LAMA5: variants seen among roughly 807,000 people sequenced by gnomAD.
LAMA5 encodes the protein laminin subunit alpha 5, also known as laminin subunit alpha-5.
LAMA5 carries 260 observed loss-of-function variants against 433.4 expected under a neutral mutation model. That is an observed-to-expected ratio of 0.60 (90% confidence interval 0.54 to 0.66). The LOEUF is 0.66. LAMA5 is among the 30% of genes least tolerant of loss of function. The pLI is 0.00. For synonymous variants in LAMA5, 2,620 were observed against 2,226.6 expected (o/e 1.18, Z -4.97); for missense variants, 5,378 against 5,258.5 (o/e 1.02, Z -0.70).
rs778216785 is a variant in LAMA5 at position 62,346,815 on chromosome 20, G to A, written c.1073-15C>T. 6.8e-6 allele frequency: 11 copies of A among 1,609,728 alleles called. No homozygotes were observed. Among genetic ancestry groups the A allele is most frequent in the Non-Finnish European group, 8.5e-6 (10 of 1,177,732 alleles). On this transcript the variant is annotated splice_polypyrimidine_tract_variant and intron_variant, in intron 7 of 79. Transcript: ENST00000252999. ...GCAGTTACAGGCTAGAGAGAGGGGA[G>A]CGCAGCTGTTGGCACGCCCTCCACA...
At chr20:62,325,586 A>C in intron 40 of LAMA5, 40 bp from the exon 41 acceptor site, 2 of 1,386,520 alleles carry the variant, frequency 1.4e-6, no homozygotes, top group Non-Finnish European at 2.0e-6. Context: ...GCCACACTCA[A>C]TGGGACAGAA....
intron 32 of LAMA5, 116 bp from the exon 33 acceptor site, chr20:62,329,369 CCCAGCCCAGCCCA>C (rs1411721135): frequency 1.9e-5 from 1 of 51,770 alleles, no homozygotes; most frequent in African/African-American, 7.5e-5. Flanking sequence ...GCAGCAGCAG[CCCAGCCCAGCCCA>C]GCCCAGCCCT....
intron 7 of LAMA5, 30 bp from the exon 8 acceptor site, chr20:62,346,830 C>T (rs370817391): frequency 5.5e-5 from 89 of 1,605,950 alleles, no homozygotes; most frequent in African/African-American, 3.9e-4. Flanking sequence ...GCTGTTGGCA[C>T]GCCCTCCACA....
At chr20:62,316,507 G>A (rs1986947468) in intron 57 of LAMA5, among the ~76,000 whole-genome samples, 164 bp downstream of exon 57, 2 of 152,168 alleles carry the variant, frequency 1.3e-5, no homozygotes, top group South Asian at 4.1e-4. Context: ...GCTCCCCGGG[G>A]CTGACACACA....
At position 62,318,997 on chromosome 20, in the gene LAMA5, C is replaced by A; in HGVS notation, c.6888G>T (p.Thr2296=). The A allele has an allele frequency of 1.3e-6, 2 of 1,586,316 alleles. No individual in the cohort carries two copies. The highest frequency in any genetic ancestry group is 1.1e-5 in the South Asian group (1 of 88,196). Residue 2296 remains threonine, a synonymous_variant, in exon 52 of 80, where the codon ACG becomes ACT. Transcript: ENST00000252999. The part of the protein sequence containing the change: ...DRTLSELMSQ[T]GHLGLANASA... Reference sequence around the variant, plus strand: ...AGGCATTGGCCAGCCCCAGGTGGCCCGTCTGGGACATGAGCTCTGTGGGGC... The same window carrying A: ...AGGCATTGGCCAGCCCCAGGTGGCCAGTCTGGGACATGAGCTCTGTGGGGC...
rs1986573132 is a variant in LAMA5, at chr20:62,313,649, C to T, written c.8658G>A (p.Thr2886=). The change falls in exon 63 of 80, where the codon ACG becomes ACA. Residue 2886 remains threonine (T), a splice_region_variant and synonymous_variant. Transcript: ENST00000252999. The part of the protein sequence containing the change: ...FYVGGYPSTF[T]PPPLLRFPGY... ...GCTGCCCCAGGCCGGGCGGGCTCAC[C>T]GTGAAGGTACTGGGGTACCCCCCGA... 2 of 1,612,556 alleles carry T rather than the reference C, an allele frequency of 1.2e-6. No individual in the cohort carries two copies. The highest frequency in any genetic ancestry group is 1.7e-6 in the Non-Finnish European group (2 of 1,179,888).
rs142055388 is a variant in LAMA5 at position 62,325,332 on chromosome 20, C to G, written c.5513G>C (p.Arg1838Pro). The G allele has an allele frequency of 3.8e-6, 6 of 1,589,894 alleles. No individual in the cohort carries two copies. Among genetic ancestry groups the G allele is most frequent in the Non-Finnish European group, 5.1e-6 (6 of 1,165,688 alleles). Residue 1838 changes from arginine to proline, a missense_variant, in exon 41 of 80, where the codon CGG becomes CCG. Coordinates refer to ENST00000252999, the MANE Select transcript of LAMA5 (RefSeq NM_005560.6). The stretch of plus-strand genomic sequence containing the variant: ...TAACCTCACCTGGCATGAGTCCCCC[C>G]GGTAGCTGGCGGGGCACAGGCACAG... ...VELCLCPASY[R>P]GDSCQECAPG...
chr20:62,317,097 T>C, intron 55 of LAMA5, 74 bp from the exon 56 acceptor site: 1 of 1,451,854 alleles, frequency 6.9e-7, no homozygotes, highest in Non-Finnish European at 9.1e-7. Flanking sequence ...CCTCCTGCGC[T>C]CACAACCAGC....
intron 23 of LAMA5, 68 bp downstream of exon 23, chr20:62,333,833 G>GGGAGT (rs1348752558): frequency 1.2e-5 from 17 of 1,438,276 alleles, no homozygotes; most frequent in African/African-American, 1.0e-4. Flanking sequence ...GGCGGGGCTT[G>GGGAGT]GGAGTGGGGT....
rs757933009 is a variant in LAMA5, at chr20:62,317,502, G to A, written c.7357-3C>T. 1.9e-5 allele frequency: 29 copies of A among 1,538,522 alleles called. No homozygotes were observed. The highest frequency in any genetic ancestry group is 2.5e-5 in the South Asian group (2 of 80,170). Reference sequence around the variant, plus strand: ...CTGGCGGCGAGGCGCTCCAGCTCCTGGAATTTGAGTGGACTTAGCCCCTCA... The same window carrying A: ...CTGGCGGCGAGGCGCTCCAGCTCCTAGAATTTGAGTGGACTTAGCCCCTCA... On this transcript the variant is annotated splice_polypyrimidine_tract_variant and splice_region_variant and intron_variant, in intron 54 of 79. Coordinates refer to ENST00000252999, the MANE Select transcript of LAMA5 (RefSeq NM_005560.6).
intron 68 of LAMA5, 28 bp from the exon 69 acceptor site, chr20:62,312,344 G>C: frequency 6.2e-7 from 1 of 1,603,972 alleles, no homozygotes; most frequent in Non-Finnish European, 8.5e-7. Flanking sequence ...CTGAGTGCCC[G>C]CGGGTGCCCC....
At position 62,313,005 on chromosome 20, in the gene LAMA5, C is replaced by A; in HGVS notation, c.8961G>T (p.Gln2987His). ...CTTCTTGCACGGCCAAGCACAGGAA[C>A]TGGCTCTGCAGAAACAGGGCAGGGT... ...GVLFFLKQQS[Q>H]FLCLAVQEGS... Residue 2987 changes from glutamine (Q) to histidine (H), a missense_variant, in exon 66 of 80, where the codon CAG becomes CAT. Coordinates refer to ENST00000252999, the MANE Select transcript of LAMA5 (RefSeq NM_005560.6). The A allele has an allele frequency of 6.3e-7, 1 of 1,582,680 alleles. No homozygotes were observed. The highest frequency in any genetic ancestry group is 8.6e-7 in the Non-Finnish European group (1 of 1,162,232).
chr20:62,309,725 C>A lies in LAMA5; in HGVS notation c.10939G>T (p.Gly3647Cys), dbSNP rs1159590989. Residue 3647 changes from glycine to cysteine, a missense_variant, in exon 79 of 80, where the codon GGC becomes TGC. Physicochemically the swap from Gly to Cys is radical, Grantham distance 159. Coordinates refer to ENST00000252999, the MANE Select transcript of LAMA5 (RefSeq NM_005560.6). ...AGAPAPLYLG[G>C]LPEPMAVQPW... ...TCAAGGCCGCACTCACCAGGCAGGC[C>A]CCCGAGGTACAGAGGGGCTGGGGCA... 6.3e-7 allele frequency: 1 copy of A among 1,595,010 alleles called. No individual in the cohort carries two copies. Among genetic ancestry groups the A allele is most frequent in the Admixed American group, 1.8e-5 (1 of 55,142 alleles).
intron 62 of LAMA5, among the ~76,000 whole-genome samples, 192 bp downstream of exon 62, chr20:62,314,112 G>A (rs1194676161): frequency 1.5e-5 from 2 of 136,894 alleles, no homozygotes; most frequent in Non-Finnish European, 3.2e-5. Context: ...GACGGGTGGC[G>A]AGTGGGCACA....
Position 62,316,972 on chromosome 20 carries a change from G to T in LAMA5, c.7563C>A (p.Ala2521=), listed in dbSNP as rs745730657. ...GCAGGATGCGGCTGTAGGCGTTGGA[G>T]GCCTCGATGGCCCTCTGGGTGAGGC... ...QDRLTQRAIE[A]SNAYSRILQA... is the part of the protein sequence containing the mutation. Residue 2521 remains alanine, a synonymous_variant, in exon 56 of 80, where the codon GCC becomes GCA. Transcript: ENST00000252999. 3.2e-6 allele frequency: 5 copies of T among 1,562,890 alleles called. No individual in the cohort carries two copies. Among genetic ancestry groups the T allele is most frequent in the Non-Finnish European group, 4.3e-6 (5 of 1,151,302 alleles).
chr20:62,319,418 A>AT (rs1987415449), intron 51 of LAMA5, among the ~76,000 whole-genome samples: 1 of 151,788 alleles, frequency 6.6e-6, no homozygotes, highest in Admixed American at 6.6e-5. Context: ...GCACTACGGG[A>AT]TATCTGTGAG....
rs1407773221 is a variant in LAMA5, at chr20:62,320,851, T to C, written c.6536A>G (p.Glu2179Gly). The change falls in exon 49 of 80, where the codon GAA becomes GGA. Residue 2179 changes from glutamate (E) to glycine (G), a missense_variant. Physicochemically the swap from Glu to Gly is moderately conservative, Grantham distance 98. Coordinates refer to ENST00000252999, the MANE Select transcript of LAMA5 (RefSeq NM_005560.6). ...HCVVLLLDDL[E>G]RAGALLPAIH... ...GGCGGGGAGGAGGGCGCCGGCCCGT[T>C]CCAGGTCATCCAGGAGCAGGACCAC... The C allele has an allele frequency of 1.9e-6, 3 of 1,611,998 alleles. No homozygotes were observed. In the African/African-American group the frequency reaches 4.0e-5, roughly 22 times the overall value.
chr20:62,336,665 C>T lies in LAMA5; in HGVS notation c.2217+69G>A, dbSNP rs914979352. On this transcript the variant is annotated intron_variant, in intron 17 of 79. Coordinates refer to ENST00000252999, the MANE Select transcript of LAMA5 (RefSeq NM_005560.6). ...AGCAGGCAGGAAGCCCTGGTCTCAC[C>T]GGACTCGGGACTTTTAGCTTGGCCT... 14 of 1,558,556 alleles carry T rather than the reference C, an allele frequency of 9.0e-6. No homozygotes were observed. The East Asian group carries it at 2.5e-4, about 28-fold the overall frequency.
intron 11 of LAMA5, among the ~76,000 whole-genome samples, chr20:62,344,847 C>T (rs1007373452): frequency 1.3e-5 from 2 of 151,792 alleles, no homozygotes; most frequent in African/African-American, 4.8e-5. Context: ...ATAAATACTT[C>T]ATTAGTCCCT....
Sources: gnomAD v4.1 joint callset for allele counts (sites outside exome capture counted in the v4.1 genomes callset) on GRCh38, gnomAD v4.1.1 for gene constraint, MANE v1.5 for transcripts, NCBI Gene and HGNC (gene_info 2026-07-23, HGNC 2026-07-21) for gene names.